Variants in SHC3 observed in about 807,000 individuals in gnomAD.
The protein encoded by SHC3 is SHC adaptor protein 3.
Under a neutral mutation model 60.4 loss-of-function variants are expected in SHC3, and 15 were observed. The observed-to-expected ratio is 0.25, with a 90% confidence interval of 0.17 to 0.38. The LOEUF (loss-of-function observed/expected upper bound fraction) is 0.38, where lower values mean the gene tolerates loss of function less well. SHC3 is among the 10% of genes least tolerant of loss of function. The probability of loss-of-function intolerance (pLI) is 1.00; values close to 1 mark genes in which losing one functional copy is unlikely to be tolerated. For synonymous variants in SHC3, 294 were observed against 325.9 expected (o/e 0.90, Z 1.05); for missense variants, 677 against 786.1 (o/e 0.86, Z 1.66).
rs1159630735 is a variant in SHC3, at chr9:89,173,678, T to C, written c.474+4309A>G. On this transcript the variant is annotated intron_variant, in intron 1 of 11. Transcript: ENST00000375835. ...TTGTGTGTGTGCAGTGTCTGTATGGTTGTGTGTGGGTGCATGGTGTGTATG... is the reference window on the plus strand; with the variant it reads ...TTGTGTGTGTGCAGTGTCTGTATGGCTGTGTGTGGGTGCATGGTGTGTATG... Among the ~76,000 whole-genome samples, 3 of 151,744 alleles carry C rather than the reference T, an allele frequency of 2.0e-5. No homozygotes were observed. The East Asian group carries it at 5.8e-4, about 29-fold the overall frequency.
intron 11 of SHC3, among the ~76,000 whole-genome samples, chr9:89,015,678 C>T (rs1826081290): frequency 6.6e-6 from 1 of 152,210 alleles, no homozygotes; most frequent in African/African-American, 2.4e-5. Context: ...TGGACCCACC[C>T]GTTATGCACT....
intron 11 of SHC3, among the ~76,000 whole-genome samples, chr9:89,026,852 T>C (rs750303111): frequency 6.6e-6 from 1 of 152,170 alleles, no homozygotes; most frequent in Non-Finnish European, 1.5e-5. Context: ...TTCATGCTCC[T>C]GTGGTTTTCT....
intron 2 of SHC3, among the ~76,000 whole-genome samples, chr9:89,103,930 T>C (rs1216856113): frequency 6.6e-6 from 1 of 152,068 alleles, no homozygotes; most frequent in East Asian, 1.9e-4. Context: ...TGGAATGATA[T>C]GTTTGGGTGA....
intron 6 of SHC3, among the ~76,000 whole-genome samples, chr9:89,054,876 T>C (rs1824923011): frequency 2.0e-5 from 3 of 152,214 alleles, no homozygotes. Context: ...TTGCTGACAC[T>C]GGTTTCTCTC....
At chr9:89,108,089 G>A (rs572562087) in intron 2 of SHC3, among the ~76,000 whole-genome samples, 1 of 152,300 alleles carries the variant, frequency 6.6e-6, no homozygotes, top group South Asian at 2.1e-4. Context: ...CACACATGCA[G>A]TGCAGGTTTG....
In SHC3 at chr9:89,047,535, C is replaced by T. The variant is rs978402227; in HGVS notation, c.963-541G>A. On this transcript the variant is annotated intron_variant, in intron 7 of 11. Transcript: ENST00000375835. ...ATGTATCTAGAATATATAAAGTACT[C>T]GTACGACTCAACAATGAAAAGACAA... 7.9e-5 allele frequency among the ~76,000 whole-genome samples: 12 copies of T among 152,134 alleles called. No homozygotes were observed. In the East Asian group the frequency reaches 1.3e-3, roughly 17 times the overall value.
At chr9:89,169,202 A>G (rs558034525) in intron 1 of SHC3, among the ~76,000 whole-genome samples, 1 of 152,352 alleles carries the variant, frequency 6.6e-6, no homozygotes, top group South Asian at 2.1e-4. Flanking sequence ...ATGCTGGAAG[A>G]GGCCCTGCCG....
rs118017965 is a variant in SHC3 at position 89,006,346 on chromosome 9, C to T, written c.*7101G>A. Reference sequence around the variant, plus strand: ...GCTAATTCTCTTCACCTGCTGTATTCTCAAATCTCCAAAACACCAGATAAC... The same window carrying T: ...GCTAATTCTCTTCACCTGCTGTATTTTCAAATCTCCAAAACACCAGATAAC... On this transcript the variant is annotated 3_prime_UTR_variant, in exon 12 of 12. Coordinates refer to ENST00000375835, the MANE Select transcript of SHC3 (RefSeq NM_016848.6). 2 of 152,200 alleles carry T rather than the reference C, an allele frequency of 1.3e-5. No homozygotes were observed. The highest frequency in any genetic ancestry group is 2.4e-5 in the African/African-American group (1 of 41,460). The allele number at this position is 152,200 out of a possible 1,614,324, so 9.4% of individuals were successfully genotyped here.
intron 6 of SHC3, among the ~76,000 whole-genome samples, chr9:89,056,617 G>A (rs1824955158): frequency 6.6e-6 from 1 of 152,216 alleles, no homozygotes; most frequent in Non-Finnish European, 1.5e-5. Flanking sequence ...GTTAAAACTA[G>A]TTCACACAGC....
intron 2 of SHC3, among the ~76,000 whole-genome samples, chr9:89,095,847 C>T (rs1351331552): frequency 1.3e-5 from 2 of 152,100 alleles, no homozygotes; most frequent in East Asian, 1.9e-4. Context: ...CATCATTTTG[C>T]GGTGCATTTT....
At chr9:89,018,196 G>A (rs543834935) in intron 11 of SHC3, among the ~76,000 whole-genome samples, 7 of 152,300 alleles carry the variant, frequency 4.6e-5, no homozygotes, top group Non-Finnish European at 7.3e-5. Flanking sequence ...GCACACGTGC[G>A]TTTATTGCAG....
At chr9:89,073,225 G>A (rs1331932666) in intron 4 of SHC3, among the ~76,000 whole-genome samples, 1 of 152,212 alleles carries the variant, frequency 6.6e-6, no homozygotes, top group Non-Finnish European at 1.5e-5. Flanking sequence ...TAAATTGGAA[G>A]CTGTGATTTG....
rs748471440 is a variant in SHC3, at chr9:89,075,247, T to C, written c.610-19A>G. ...TTGGAGGCTGTGAAATTAAAGAGCA[T>C]TATTTTAGCTGTTTCATTTCCATCT... is the stretch of plus-strand genomic sequence containing the variant. On this transcript the variant is annotated intron_variant, in intron 3 of 11. Transcript: ENST00000375835. The C allele has an allele frequency of 6.2e-7, 1 of 1,612,434 alleles. No individual in the cohort carries two copies. Among genetic ancestry groups the C allele is most frequent in the Non-Finnish European group, 8.5e-7 (1 of 1,179,078 alleles).
chr9:89,113,136 C>T (rs917315904), intron 1 of SHC3, among the ~76,000 whole-genome samples: 2 of 152,118 alleles, frequency 1.3e-5, no homozygotes, highest in African/African-American at 4.8e-5. Flanking sequence ...GTTCTATGAA[C>T]TATAGATTAC....
intron 11 of SHC3, among the ~76,000 whole-genome samples, chr9:89,020,074 G>A (rs1212393212): frequency 6.6e-6 from 1 of 152,098 alleles, no homozygotes; most frequent in African/African-American, 2.4e-5. Context: ...TTAAAAATGT[G>A]TATTGTTTTT....
intron 1 of SHC3, among the ~76,000 whole-genome samples, chr9:89,137,163 C>T (rs1587747365): frequency 1.3e-5 from 2 of 152,090 alleles, no homozygotes; most frequent in Admixed American, 6.5e-5. Flanking sequence ...CCCCCAAAAT[C>T]GGGATTACAA....
intron 2 of SHC3, among the ~76,000 whole-genome samples, chr9:89,080,304 CA>C (rs1475982380): frequency 6.6e-6 from 1 of 152,092 alleles, no homozygotes; most frequent in Non-Finnish European, 1.5e-5. Flanking sequence ...TTCTGTGAGC[CA>C]AATCAAGACC....
intron 1 of SHC3, among the ~76,000 whole-genome samples, chr9:89,164,326 A>C (rs1263723801): frequency 6.6e-6 from 1 of 152,150 alleles, no homozygotes; most frequent in Non-Finnish European, 1.5e-5. Flanking sequence ...GCAGGACAGA[A>C]CTGTTTGCTT....
chr9:89,056,783 C>T (rs1303614353), intron 6 of SHC3, among the ~76,000 whole-genome samples: 1 of 152,254 alleles, frequency 6.6e-6, no homozygotes, highest in Non-Finnish European at 1.5e-5. Flanking sequence ...AATGCTCCAG[C>T]CTTCATGTCC....
Sources: allele counts gnomAD v4.1 joint callset (sites outside exome capture counted in the v4.1 genomes callset), GRCh38; gene constraint gnomAD v4.1.1; transcripts MANE v1.5; gene names NCBI Gene and HGNC (gene_info 2026-07-23, HGNC 2026-07-21).